MACROD2: variants seen among roughly 807,000 people sequenced by gnomAD.
MACROD2 encodes the protein ADP-ribose glycohydrolase MACROD2.
Under a neutral mutation model 70.4 loss-of-function variants are expected in MACROD2, and 36 were observed. That is an observed-to-expected ratio of 0.51 (90% CI 0.39 to 0.68). MACROD2 has a LOEUF of 0.68. MACROD2 is among the 30% of genes least tolerant of loss of function. MACROD2 has a pLI of 0.00. For synonymous variants in MACROD2, 172 were observed against 178.8 expected (o/e 0.96, Z 0.30); for missense variants, 496 against 538.4 (o/e 0.92, Z 0.78).
At chr20:15,015,565 A>G (rs2075115030) in intron 5 of MACROD2, among the ~76,000 whole-genome samples, 1 of 151,882 alleles carries the variant, frequency 6.6e-6, no homozygotes, top group Non-Finnish European at 1.5e-5. Context: ...TTAATGTTCC[A>G]TACACTCTAA....
At chr20:15,799,831 GGTA>G (rs1253818767) in intron 8 of MACROD2, among the ~76,000 whole-genome samples, 11 of 152,092 alleles carry the variant, frequency 7.2e-5, no homozygotes, top group African/African-American at 2.7e-4. Flanking sequence ...TATATCATAT[GGTA>G]GTTCTGCCTC....
chr20:14,875,548 G>A (rs781039759), intron 5 of MACROD2, among the ~76,000 whole-genome samples: 14 of 152,234 alleles, frequency 9.2e-5, no homozygotes, highest in Middle Eastern at 6.8e-3. Context: ...GGCATATTGT[G>A]TGATGCTGAG....
At chr20:14,324,086 TTAGTGA>T (rs1483224045) in intron 3 of MACROD2, 3 of 152,576 alleles carry the variant, frequency 2.0e-5, no homozygotes, top group African/African-American at 7.2e-5. Flanking sequence ...AATTTGCTAC[TTAGTGA>T]TAGTAACACA....
At chr20:15,724,127 T>C (rs1054448408) in intron 8 of MACROD2, among the ~76,000 whole-genome samples, 2 of 152,248 alleles carry the variant, frequency 1.3e-5, no homozygotes, top group Non-Finnish European at 2.9e-5. Context: ...TGGCTAATTT[T>C]ATTATTATTG....
intron 12 of MACROD2, among the ~76,000 whole-genome samples, chr20:15,954,626 T>A (rs767714045): frequency 6.6e-6 from 1 of 152,140 alleles, no homozygotes; most frequent in Non-Finnish European, 1.5e-5. Flanking sequence ...TTTATTGACA[T>A]CTCTTATGGC....
Position 15,150,385 on chromosome 20 carries a change from G to T in MACROD2, c.419-79555G>T, listed in dbSNP as rs557421632. Among the ~76,000 whole-genome samples the T allele has an allele frequency of 5.5e-4, 84 of 152,146 alleles. 2 individuals carry two copies. The South Asian group carries it at 0.017, about 31-fold the overall frequency. On this transcript the variant is annotated intron_variant, in intron 5 of 17. Coordinates refer to ENST00000684519, the MANE Select transcript of MACROD2 (RefSeq NM_001351661.2). The stretch of plus-strand genomic sequence containing the variant: ...AGAGTGTACAGGTTGGGCACCACAG[G>T]GTGGATAGGCAAAGCAATTTGGTTG...
At chr20:15,632,790 C>CT (rs1323439153) in intron 8 of MACROD2, among the ~76,000 whole-genome samples, 1 of 151,806 alleles carries the variant, frequency 6.6e-6, no homozygotes, top group African/African-American at 2.4e-5. Flanking sequence ...GTTCTCCTTC[C>CT]TTCCCTCCTC....
intron 7 of MACROD2, among the ~76,000 whole-genome samples, chr20:15,481,683 A>G (rs1402532433): frequency 6.6e-6 from 1 of 150,776 alleles, no homozygotes; most frequent in Non-Finnish European, 1.5e-5. Flanking sequence ...GAAAATAAAC[A>G]TTAAAAAAAA....
At chr20:14,681,021 G>C (rs1487763809) in intron 4 of MACROD2, among the ~76,000 whole-genome samples, 1 of 152,070 alleles carries the variant, frequency 6.6e-6, no homozygotes, top group Non-Finnish European at 1.5e-5. Flanking sequence ...TATATGAATG[G>C]CCAGTATACA....
chr20:14,538,709 A>G (rs2085397112), intron 4 of MACROD2, among the ~76,000 whole-genome samples: 2 of 152,062 alleles, frequency 1.3e-5, no homozygotes, highest in Non-Finnish European at 2.9e-5. Context: ...TTGTCATCTC[A>G]CTGTCCTCTT....
intron 4 of MACROD2, among the ~76,000 whole-genome samples, chr20:14,642,383 T>C (rs1346661103): frequency 9.9e-5 from 15 of 152,218 alleles, no homozygotes; most frequent in Admixed American, 9.8e-4. Flanking sequence ...GTGTGTTCAC[T>C]GGAGTAGCAC....
intron 8 of MACROD2, among the ~76,000 whole-genome samples, chr20:15,686,170 T>C (rs1033303793): frequency 3.9e-5 from 6 of 152,222 alleles, no homozygotes; most frequent in Non-Finnish European, 8.8e-5. Context: ...AAATGTGCAA[T>C]ATGCCATAAT....
chr20:15,812,571 A>C (rs2063832496), intron 8 of MACROD2, among the ~76,000 whole-genome samples: 1 of 152,180 alleles, frequency 6.6e-6, no homozygotes, highest in South Asian at 2.1e-4. Context: ...GGATTTAAAA[A>C]AAAAAAAAAT....
At chr20:14,465,976 TC>T (rs1317482543) in intron 3 of MACROD2, among the ~76,000 whole-genome samples, 1 of 152,122 alleles carries the variant, frequency 6.6e-6, no homozygotes, top group African/African-American at 2.4e-5. Flanking sequence ...ATTTTTTCCT[TC>T]ATTTCAACTT....
intron 6 of MACROD2, among the ~76,000 whole-genome samples, chr20:15,395,699 T>G (rs140935358): frequency 6.6e-6 from 1 of 152,350 alleles, no homozygotes; most frequent in Non-Finnish European, 1.5e-5. Context: ...TCCTATGCTT[T>G]CATTACCATG....
chr20:15,814,164 C>T lies in MACROD2; in HGVS notation c.646-48581C>T, dbSNP rs935958782. ...TAACATCACTGCAGGAGATGTTGCC[C>T]GTGCCCTGTTCACATTGGACCTTAA... On this transcript the variant is annotated intron_variant, in intron 8 of 17. Coordinates refer to ENST00000684519, the MANE Select transcript of MACROD2 (RefSeq NM_001351661.2). Among the ~76,000 whole-genome samples, 4 of 152,172 alleles carry T rather than the reference C, an allele frequency of 2.6e-5. No individual in the cohort carries two copies. The East Asian group carries it at 5.8e-4, about 22-fold the overall frequency.
At chr20:15,470,726 C>T (rs1446881724) in intron 7 of MACROD2, among the ~76,000 whole-genome samples, 1 of 152,206 alleles carries the variant, frequency 6.6e-6, no homozygotes, top group Non-Finnish European at 1.5e-5. Flanking sequence ...TTCTTCTCTG[C>T]CATTGTTTCT....
intron 3 of MACROD2, among the ~76,000 whole-genome samples, chr20:14,412,431 A>G (rs956611754): frequency 1.2e-5 from 1 of 81,656 alleles, no homozygotes; most frequent in African/African-American, 3.2e-5. Context: ...TAGGAGCCAC[A>G]GAAGAGTTTG....
At chr20:15,257,048 A>G (rs1203603045) in intron 6 of MACROD2, among the ~76,000 whole-genome samples, 1 of 152,062 alleles carries the variant, frequency 6.6e-6, no homozygotes, top group Non-Finnish European at 1.5e-5. Context: ...CCATAGGACA[A>G]TGACAAAGTT....
Sources: gnomAD v4.1 joint callset for allele counts (sites outside exome capture counted in the v4.1 genomes callset) on GRCh38, gnomAD v4.1.1 for gene constraint, MANE v1.5 for transcripts, NCBI Gene and HGNC (gene_info 2026-07-23, HGNC 2026-07-21) for gene names.